MYH11: variants seen among roughly 807,000 people sequenced by gnomAD.
The protein encoded by MYH11 is myosin-11.
Under a neutral mutation model 246.6 loss-of-function variants are expected in MYH11, and 80 were observed. The observed-to-expected ratio is 0.32, with a 90% CI of 0.27 to 0.39. The LOEUF is 0.39. MYH11 is among the 10% of genes least tolerant of loss of function. The probability of loss-of-function intolerance (pLI) is 1.00; values close to 1 mark genes in which losing one functional copy is unlikely to be tolerated. For missense variants in MYH11, 2,158 were observed against 2,546.8 expected (o/e 0.85, Z 3.29); for synonymous variants, 1,071 against 1,015.5 (o/e 1.05, Z -1.04).
At chr16:15,714,709 A>G in intron 40 of MYH11, 200 bp downstream of exon 40, 1 of 677,864 alleles carries the variant, frequency 1.5e-6, no homozygotes. Context: ...GTTAGCTGCT[A>G]CCAGGCAAGG....
chr16:15,804,644 G>A (rs2042968351), intron 3 of MYH11, among the ~76,000 whole-genome samples: 1 of 152,112 alleles, frequency 6.6e-6, no homozygotes, highest in Non-Finnish European at 1.5e-5. Context: ...ACCCCCAAAT[G>A]AAACCCTCTA....
chr16:15,760,012 G>A (rs965499237), intron 11 of MYH11, among the ~76,000 whole-genome samples: 6 of 152,130 alleles, frequency 3.9e-5, no homozygotes, highest in South Asian at 4.1e-4. Context: ...CAGGAGAATC[G>A]TTTGAATCTG....
chr16:15,801,132 G>A (rs964331954), intron 3 of MYH11, among the ~76,000 whole-genome samples: 1 of 152,110 alleles, frequency 6.6e-6, no homozygotes, highest in African/African-American at 2.4e-5. Flanking sequence ...CTTGAACTCA[G>A]GAGGCGGACG....
intron 37 of MYH11, 46 bp from the exon 38 acceptor site, chr16:15,717,394 A>G: frequency 6.3e-7 from 1 of 1,593,666 alleles, no homozygotes; most frequent in African/African-American, 1.3e-5. Context: ...GGGAAGCCCA[A>G]GAGAGCGCAC....
At chr16:15,810,620 TC>T (rs1212336480) in intron 3 of MYH11, among the ~76,000 whole-genome samples, 2 of 152,122 alleles carry the variant, frequency 1.3e-5, no homozygotes, top group Non-Finnish European at 1.5e-5. Context: ...CTGTACCCCT[TC>T]CTGGAGATGT....
At chr16:15,769,852 A>T (rs1268044011) in intron 9 of MYH11, among the ~76,000 whole-genome samples, 1 of 151,446 alleles carries the variant, frequency 6.6e-6, no homozygotes, top group Non-Finnish European at 1.5e-5. Flanking sequence ...GTAGAGACAG[A>T]GTCTCACTGT....
chr16:15,853,642 G>T (rs2044385604), intron 1 of MYH11, among the ~76,000 whole-genome samples: 2 of 152,060 alleles, frequency 1.3e-5, no homozygotes, highest in African/African-American at 4.8e-5. Context: ...TTCCTCCATT[G>T]TGTGGCCAGG....
At chr16:15,735,618 C>G (rs777509236) in intron 25 of MYH11, 40 bp from the exon 26 acceptor site, 13 of 1,610,268 alleles carry the variant, frequency 8.1e-6, no homozygotes, top group African/African-American at 4.0e-5. Context: ...CCCCAGGTCC[C>G]TTGGTTTCCT....
Position 15,718,500 on chromosome 16 carries a change from C to T in MYH11, c.5172-62G>A, listed in dbSNP as rs573782818. ...TCCCCCGCCTTAAAAGATGCCCCCT[C>T]CTTGGAGTCATGCCTCAGGGGTATT... On this transcript the variant is annotated intron_variant, in intron 36 of 40. Coordinates refer to ENST00000300036, the MANE Select transcript of MYH11 (RefSeq NM_002474.3). 12 of 1,532,800 alleles carry T rather than the reference C, an allele frequency of 7.8e-6. No homozygotes were observed. In the East Asian group the frequency reaches 2.2e-4, roughly 28 times the overall value. The allele number at this position is 1,532,800 out of a possible 1,614,324, so 94.9% of individuals were successfully genotyped here. A position where few individuals can be genotyped will look rare whatever the true frequency, so the allele number is the denominator to read the frequency against.
chr16:15,765,684 C>T (rs1191348059), intron 9 of MYH11, among the ~76,000 whole-genome samples: 1 of 152,160 alleles, frequency 6.6e-6, no homozygotes, highest in Non-Finnish European at 1.5e-5. Context: ...GCCATGGGGT[C>T]CCTGGCCCAG....
At chr16:15,719,386 C>T in intron 35 of MYH11, 78 bp from the exon 36 acceptor site, 1 of 1,529,406 alleles carries the variant, frequency 6.5e-7, no homozygotes, top group Non-Finnish European at 8.9e-7. Flanking sequence ...ACAACTCAGC[C>T]ACCCTTGAAA....
intron 31 of MYH11, 27 bp from the exon 32 acceptor site, chr16:15,721,661 T>C (rs2040492092): frequency 6.2e-7 from 1 of 1,611,240 alleles, no homozygotes; most frequent in African/African-American, 1.3e-5. Flanking sequence ...AGAGGTGACT[T>C]CTAGGCATAT....
intron 3 of MYH11, among the ~76,000 whole-genome samples, chr16:15,820,112 G>A (rs1168947397): frequency 6.6e-6 from 1 of 152,212 alleles, no homozygotes; most frequent in Admixed American, 6.5e-5. Context: ...GGAGGCCGAG[G>A]TGGGAGGATC....
At chr16:15,740,397 C>G (rs903166792) in intron 22 of MYH11, among the ~76,000 whole-genome samples, 1 of 151,930 alleles carries the variant, frequency 6.6e-6, no homozygotes, top group African/African-American at 2.4e-5. Context: ...CACTTGAGGT[C>G]AGGAATTCAA....
Position 15,720,830 on chromosome 16 carries a change from A to G in MYH11, c.4791+9T>C, listed in dbSNP as rs764276381. 6.8e-6 allele frequency: 11 copies of G among 1,613,008 alleles called. No homozygotes were observed. The highest frequency in any genetic ancestry group is 1.8e-4 in the Middle Eastern group (1 of 5,428). ...ACCTCCCTCTGCTGGCCTCCCCGGC[A>G]GCACGCACCTGTCTCTGCAGTTGCC... On this transcript the variant is annotated intron_variant, in intron 33 of 40. Coordinates refer to ENST00000300036, the MANE Select transcript of MYH11 (RefSeq NM_002474.3).
intron 31 of MYH11, among the ~76,000 whole-genome samples, chr16:15,722,475 C>T (rs1189356430): frequency 2.6e-5 from 4 of 152,202 alleles, no homozygotes; most frequent in African/African-American, 9.7e-5. Context: ...TCAGCAAAGA[C>T]AGGGACCTCT....
chr16:15,815,616 A>G (rs74960623), intron 3 of MYH11, among the ~76,000 whole-genome samples: 2,011 of 152,326 alleles, frequency 0.013, 50 homozygotes, highest in African/African-American at 0.046. Context: ...GACAGCATCA[A>G]TGAAATAATT....
rs1212764276 is a variant in MYH11, at chr16:15,706,702, CCAAAAAAAAAAA to C, written c.5787-2591_5787-2580del. Among the ~76,000 whole-genome samples, 3 of 150,452 alleles carry C rather than the reference CCAAAAAAAAAAA, an allele frequency of 2.0e-5. No homozygotes were observed. In the South Asian group the frequency reaches 6.3e-4, roughly 32 times the overall value. ...AGCCTGGGAAACAGCAAGACTGTCTCCAAAAAAAAAAACAAAAAAAAATCTGATGAGCTGGGA... is the reference window on the plus strand; with the variant it reads ...AGCCTGGGAAACAGCAAGACTGTCTCCAAAAAAAAATCTGATGAGCTGGGA... On this transcript the variant is annotated intron_variant, in intron 40 of 40. Coordinates refer to ENST00000300036, the MANE Select transcript of MYH11 (RefSeq NM_002474.3).
chr16:15,778,610 C>T (rs924944964), intron 7 of MYH11, among the ~76,000 whole-genome samples, 170 bp downstream of exon 7: 12 of 152,116 alleles, frequency 7.9e-5, no homozygotes, highest in Admixed American at 7.9e-4. Flanking sequence ...GTCCGGTCCA[C>T]ACATGTATAA....
Sources: gnomAD v4.1 joint callset for allele counts (sites outside exome capture counted in the v4.1 genomes callset) on GRCh38, gnomAD v4.1.1 for gene constraint, MANE v1.5 for transcripts, NCBI Gene and HGNC (gene_info 2026-07-23, HGNC 2026-07-21) for gene names.